Variants in ZNF804B observed in about 807,000 individuals in gnomAD.
The protein encoded by ZNF804B is zinc finger 804B.
A neutral mutation model predicts 101.4 loss-of-function variants in ZNF804B; 80 were observed. The observed-to-expected ratio is 0.79, with a 90% CI of 0.66 to 0.95. The LOEUF is 0.95. Among genes scored for constraint, ZNF804B ranks in the 40% least tolerant of loss-of-function variants. ZNF804B has a pLI of 0.00. For missense variants in ZNF804B, 1,673 were observed against 1,561.9 expected (o/e 1.07, Z -1.20); for synonymous variants, 622 against 558.8 (o/e 1.11, Z -1.59).
intron 1 of ZNF804B, among the ~76,000 whole-genome samples, chr7:88,974,717 G>T (rs1050021917): frequency 1.3e-5 from 2 of 151,114 alleles, no homozygotes; most frequent in African/African-American, 4.8e-5. Flanking sequence ...TTTCATACAG[G>T]CATACAGTAT....
intron 1 of ZNF804B, among the ~76,000 whole-genome samples, chr7:89,056,902 T>A (rs951159864): frequency 6.6e-6 from 1 of 152,114 alleles, no homozygotes; most frequent in Admixed American, 6.6e-5. Flanking sequence ...AAACCTCAAA[T>A]CTATCTTCCA....
At chr7:88,859,222 CT>C (rs954508231) in intron 1 of ZNF804B, among the ~76,000 whole-genome samples, 3 of 151,560 alleles carry the variant, frequency 2.0e-5, no homozygotes, top group Non-Finnish European at 4.4e-5. Context: ...TGTGCTGTTT[CT>C]GTATGGGTAA....
At chr7:88,834,936 C>A (rs759414795) in intron 1 of ZNF804B, among the ~76,000 whole-genome samples, 7 of 151,756 alleles carry the variant, frequency 4.6e-5, no homozygotes, top group African/African-American at 1.4e-4. Context: ...ATGAAAGGCA[C>A]CAGCCCTCTT....
rs995608408 is a variant in ZNF804B at position 88,797,106 on chromosome 7, C to T, written c.108+37022C>T. 2.6e-5 allele frequency among the ~76,000 whole-genome samples: 4 copies of T among 152,128 alleles called. No homozygotes were observed. In the East Asian group the frequency reaches 5.8e-4, roughly 22 times the overall value. On this transcript the variant is annotated intron_variant, in intron 1 of 3. Transcript: ENST00000333190. ...AACATGTTTCCCTTTACAAATACCCCACTTGTGTCTAAATTAACATGTTTT... is the reference window on the plus strand; with the variant it reads ...AACATGTTTCCCTTTACAAATACCCTACTTGTGTCTAAATTAACATGTTTT...
At chr7:88,982,233 T>A (rs1293201967) in intron 1 of ZNF804B, among the ~76,000 whole-genome samples, 1 of 152,056 alleles carries the variant, frequency 6.6e-6, no homozygotes, top group East Asian at 1.9e-4. Flanking sequence ...AGGCTCTGGC[T>A]GTAAAGTCGC....
chr7:88,899,415 A>C (rs1792356473), intron 1 of ZNF804B, among the ~76,000 whole-genome samples: 1 of 152,164 alleles, frequency 6.6e-6, no homozygotes, highest in Admixed American at 6.5e-5. Context: ...AGGTTTCTAA[A>C]ACTGAGCCTT....
intron 2 of ZNF804B, among the ~76,000 whole-genome samples, chr7:89,237,396 C>CCTTAGGTGTGATCTATCTG (rs1472385372): frequency 6.6e-6 from 1 of 152,128 alleles, no homozygotes; most frequent in Non-Finnish European, 1.5e-5. Context: ...TGAATACCTT[C>CCTTAGGTGTGATCTATCTG]AGTTTCCTTA....
chr7:89,333,391 G>A lies in ZNF804B; in HGVS notation c.409G>A (p.Ala137Thr). The change falls in exon 4 of 4, where the codon GCC becomes ACC. Residue 137 changes from alanine to threonine, a missense_variant. Ala to Thr is a moderately conservative substitution (Grantham distance 58). Coordinates refer to ENST00000333190, the MANE Select transcript of ZNF804B (RefSeq NM_181646.5). ...TTCTGGAAATGGACCAGCATACAAAGCCCCCAGGGTAGCCATAGAAAAGCA... is the reference window on the plus strand; with the variant it reads ...TTCTGGAAATGGACCAGCATACAAAACCCCCAGGGTAGCCATAGAAAAGCA... ...CVSGNGPAYK[A>T]PRVAIEKQLQ... 6.2e-7 allele frequency: 1 copy of A among 1,607,604 alleles called. No individual in the cohort carries two copies. Among genetic ancestry groups the A allele is most frequent in the South Asian group, 1.1e-5 (1 of 90,394 alleles).
chr7:88,823,045 C>A (rs541845030), intron 1 of ZNF804B, among the ~76,000 whole-genome samples: 2 of 151,784 alleles, frequency 1.3e-5, no homozygotes, highest in Admixed American at 1.3e-4. Context: ...CCCATCTCTA[C>A]AAAAAAATAC....
chr7:89,103,637 T>C (rs1446114982), intron 1 of ZNF804B, among the ~76,000 whole-genome samples: 1 of 151,746 alleles, frequency 6.6e-6, no homozygotes, highest in Non-Finnish European at 1.5e-5. Context: ...TCTAAAGAGG[T>C]CTTTAGGGTT....
intron 1 of ZNF804B, among the ~76,000 whole-genome samples, chr7:88,939,446 T>C (rs1446582182): frequency 6.6e-6 from 1 of 151,968 alleles, no homozygotes; most frequent in Non-Finnish European, 1.5e-5. Context: ...TATGAAAATA[T>C]TGTTTTTATT....
At chr7:88,878,914 CA>C (rs1426753510) in intron 1 of ZNF804B, among the ~76,000 whole-genome samples, 12 of 152,104 alleles carry the variant, frequency 7.9e-5, no homozygotes, top group Admixed American at 2.6e-4. Flanking sequence ...TTAACTTTTG[CA>C]GTTATGCCCA....
chr7:89,005,281 G>T (rs771320557), intron 1 of ZNF804B, among the ~76,000 whole-genome samples: 11 of 152,022 alleles, frequency 7.2e-5, no homozygotes, highest in Admixed American at 2.6e-4. Context: ...AGCACTGAGT[G>T]TCAGAAGCCT....
chr7:88,761,308 A>G (rs1789891913), intron 1 of ZNF804B, among the ~76,000 whole-genome samples: 1 of 152,170 alleles, frequency 6.6e-6, no homozygotes, highest in African/African-American at 2.4e-5. Flanking sequence ...TGCTCCCCCC[A>G]ACAACTGTAT....
intron 1 of ZNF804B, among the ~76,000 whole-genome samples, chr7:88,823,667 G>A (rs1014446927): frequency 2.6e-5 from 4 of 152,044 alleles, no homozygotes; most frequent in Admixed American, 2.6e-4. Context: ...ACCCTTCTCA[G>A]TCCCCAGGTA....
chr7:88,869,200 T>G (rs2115874509), intron 1 of ZNF804B, among the ~76,000 whole-genome samples: 1 of 152,336 alleles, frequency 6.6e-6, no homozygotes, highest in Non-Finnish European at 1.5e-5. Flanking sequence ...TTTAAAAAAC[T>G]TTTCAGCATA....
chr7:89,092,406 C>CTTTT (rs1789905900), intron 1 of ZNF804B, among the ~76,000 whole-genome samples: 2 of 88,380 alleles, frequency 2.3e-5, no homozygotes, highest in African/African-American at 4.4e-5. Flanking sequence ...CTTTTCTTTT[C>CTTTT]TGTTTTTTTT....
intron 1 of ZNF804B, among the ~76,000 whole-genome samples, chr7:88,776,756 T>C (rs910030681): frequency 1.3e-5 from 2 of 149,930 alleles, no homozygotes; most frequent in Non-Finnish European, 3.0e-5. Flanking sequence ...GAAATTCTGA[T>C]GAACCCCAAT....
At chr7:88,826,873 A>G (rs770798545) in intron 1 of ZNF804B, among the ~76,000 whole-genome samples, 2 of 152,116 alleles carry the variant, frequency 1.3e-5, no homozygotes, top group Non-Finnish European at 2.9e-5. Context: ...ATTAATCAGA[A>G]GATTTATATG....
Sources: allele counts gnomAD v4.1 joint callset (sites outside exome capture counted in the v4.1 genomes callset), GRCh38; gene constraint gnomAD v4.1.1; transcripts MANE v1.5; gene names NCBI Gene and HGNC (gene_info 2026-07-23, HGNC 2026-07-21).